Variants in LUZP2 observed in about 807,000 individuals in gnomAD.
The protein encoded by LUZP2 is leucine zipper protein 2.
A neutral mutation model predicts 51.6 loss-of-function variants in LUZP2; 52 were observed. The observed-to-expected ratio is 1.01, with a 90% CI of 0.81 to 1.27. The LOEUF is 1.27. Among genes scored for constraint, LUZP2 ranks in the 50% most tolerant of loss-of-function variants. The probability of loss-of-function intolerance (pLI) is 0.00; values close to 1 mark genes in which losing one functional copy is unlikely to be tolerated. For missense variants in LUZP2, 436 were observed against 395.4 expected (o/e 1.10, Z -0.87); for synonymous variants, 154 against 137.3 (o/e 1.12, Z -0.85).
chr11:24,871,186 T>C (rs1852059649), intron 5 of LUZP2, among the ~76,000 whole-genome samples: 1 of 152,108 alleles, frequency 6.6e-6, no homozygotes, highest in Admixed American at 6.6e-5. Context: ...CTTTCAATAT[T>C]CCATAACTTT....
At chr11:24,878,082 G>A (rs2171256) in intron 5 of LUZP2, among the ~76,000 whole-genome samples, 70,860 of 145,648 alleles carry the variant, frequency 0.49, 17,696 homozygotes, top group East Asian at 0.69. Context: ...TGATAGTTAC[G>A]GTGTTGTAAT....
intron 7 of LUZP2, among the ~76,000 whole-genome samples, chr11:24,921,450 G>T (rs1054917515): frequency 6.6e-6 from 1 of 152,024 alleles, no homozygotes; most frequent in African/African-American, 2.4e-5. Context: ...ATTACACTTG[G>T]CACAGGTGGC....
At chr11:24,950,172 A>G (rs1365111551) in intron 7 of LUZP2, among the ~76,000 whole-genome samples, 1 of 151,358 alleles carries the variant, frequency 6.6e-6, no homozygotes, top group African/African-American at 2.4e-5. Context: ...AGACAGATCA[A>G]TGATGAATGG....
intron 1 of LUZP2, among the ~76,000 whole-genome samples, chr11:24,600,988 G>T (rs1210041902): frequency 2.0e-5 from 3 of 152,100 alleles, no homozygotes; most frequent in Non-Finnish European, 4.4e-5. Context: ...AATCAGTTCA[G>T]TTTAAAAGAA....
intron 6 of LUZP2, among the ~76,000 whole-genome samples, chr11:24,909,809 A>C (rs1304870173): frequency 1.3e-5 from 2 of 152,102 alleles, no homozygotes; most frequent in Non-Finnish European, 2.9e-5. Flanking sequence ...TAATACAGTA[A>C]ATTGGCACCA....
chr11:24,926,119 T>C (rs1447963652), intron 7 of LUZP2, among the ~76,000 whole-genome samples: 1 of 151,600 alleles, frequency 6.6e-6, no homozygotes, highest in Non-Finnish European at 1.5e-5. Flanking sequence ...TTTGTGTGTG[T>C]ATACATACCT....
intron 7 of LUZP2, among the ~76,000 whole-genome samples, chr11:24,957,628 G>A (rs1333069974): frequency 6.6e-6 from 1 of 152,032 alleles, no homozygotes; most frequent in East Asian, 1.9e-4. Context: ...ATTTCACTTA[G>A]CATAATGCTC....
intron 4 of LUZP2, among the ~76,000 whole-genome samples, chr11:24,758,322 T>TGA (rs1554986147): frequency 7.3e-6 from 1 of 137,516 alleles, no homozygotes; most frequent in East Asian, 2.4e-4. Context: ...GGGAATGACT[T>TGA]GCGTGTGTGT....
chr11:24,676,774 C>T (rs1433871768), intron 1 of LUZP2, among the ~76,000 whole-genome samples: 1 of 152,040 alleles, frequency 6.6e-6, no homozygotes, highest in African/African-American at 2.4e-5. Flanking sequence ...AGTGAATCTC[C>T]TGCCTCAGCC....
chr11:24,588,414 A>G (rs778068146), intron 1 of LUZP2, among the ~76,000 whole-genome samples: 2 of 152,130 alleles, frequency 1.3e-5, no homozygotes, highest in Non-Finnish European at 2.9e-5. Flanking sequence ...TAGCCCTTTC[A>G]AAGTGTCAAG....
At chr11:24,880,744 G>A (rs1852435130) in intron 5 of LUZP2, among the ~76,000 whole-genome samples, 1 of 152,036 alleles carries the variant, frequency 6.6e-6, no homozygotes, top group Admixed American at 6.6e-5. Flanking sequence ...AAGAATGTGT[G>A]TGTGTGTGTG....
At chr11:24,815,026 AG>A (rs1159903695) in intron 5 of LUZP2, among the ~76,000 whole-genome samples, 12 of 151,770 alleles carry the variant, frequency 7.9e-5, no homozygotes, top group Non-Finnish European at 1.5e-4. Context: ...TCAATGTGAA[AG>A]CAAAATTGAT....
chr11:24,503,870 A>G (rs954228799), intron 1 of LUZP2, among the ~76,000 whole-genome samples: 1 of 152,186 alleles, frequency 6.6e-6, no homozygotes, highest in Non-Finnish European at 1.5e-5. Context: ...TGGAGTATAA[A>G]ATAACTTAAA....
intron 1 of LUZP2, among the ~76,000 whole-genome samples, chr11:24,602,603 T>C (rs1853775656): frequency 6.6e-6 from 1 of 151,624 alleles, no homozygotes; most frequent in Non-Finnish European, 1.5e-5. Context: ...TCAGATATCA[T>C]GTGTTGAATT....
At chr11:25,068,992 A>G (rs989968523) in intron 10 of LUZP2, among the ~76,000 whole-genome samples, 25 of 151,928 alleles carry the variant, frequency 1.6e-4, no homozygotes, top group African/African-American at 5.8e-4. Context: ...CATGAGTGAT[A>G]TTTTTCTTCT....
At chr11:25,033,607 A>G (rs1327586051) in intron 9 of LUZP2, among the ~76,000 whole-genome samples, 2 of 152,078 alleles carry the variant, frequency 1.3e-5, no homozygotes, top group Non-Finnish European at 2.9e-5. Context: ...CACAGTGTCT[A>G]TAACTTCCGT....
intron 5 of LUZP2, among the ~76,000 whole-genome samples, chr11:24,903,465 A>T (rs2133783119): frequency 6.6e-6 from 1 of 152,300 alleles, no homozygotes; most frequent in Admixed American, 6.5e-5. Flanking sequence ...AAAACAAAAT[A>T]AAAAACCCTG....
chr11:24,810,387 AAATAAACAC>A (rs1849984597), intron 5 of LUZP2, among the ~76,000 whole-genome samples: 1 of 152,184 alleles, frequency 6.6e-6, no homozygotes, highest in African/African-American at 2.4e-5. Context: ...CTAATTGAAG[AAATAAACAC>A]ATCTGTTGTC....
intron 5 of LUZP2, among the ~76,000 whole-genome samples, chr11:24,784,556 G>A (rs1158221084): frequency 1.3e-5 from 2 of 151,904 alleles, no homozygotes; most frequent in African/African-American, 4.8e-5. Flanking sequence ...TCATTATCTA[G>A]CAATAATTAC....
Sources: allele counts gnomAD v4.1 joint callset (sites outside exome capture counted in the v4.1 genomes callset), GRCh38; gene constraint gnomAD v4.1.1; transcripts MANE v1.5; gene names NCBI Gene and HGNC (gene_info 2026-07-23, HGNC 2026-07-21).